Variants in TMEM201 observed in about 807,000 individuals in gnomAD.
TMEM201 encodes the protein RP13-15M17.2.
In TMEM201, 26 loss-of-function variants were observed where a neutral mutation model predicts 63.4. The ratio of observed to expected loss-of-function variants is 0.41; its 90% CI spans 0.30 to 0.57. The LOEUF (loss-of-function observed/expected upper bound fraction) is 0.57. Ranked by LOEUF, TMEM201 falls within the 20% of genes least tolerant of loss-of-function variation. TMEM201 has a pLI of 0.29. For missense variants in TMEM201, 794 were observed against 917.7 expected (o/e 0.87, Z 1.74); for synonymous variants, 417 against 421.6 (o/e 0.99, Z 0.14).
In TMEM201 at chr1:9,603,247, C is replaced by T. The variant is rs1295094581; in HGVS notation, c.1160+975C>T. 1.1e-5 allele frequency: 11 copies of T among 985,156 alleles called. No individual in the cohort carries two copies. Among genetic ancestry groups the T allele is most frequent in the African/African-American group, 1.7e-5 (1 of 57,216 alleles). The allele number at this position is 985,156 out of a possible 1,614,324, so 61.0% of individuals were successfully genotyped here. A position where few individuals can be genotyped will look rare whatever the true frequency, so the allele number is the denominator to read the frequency against. On this transcript the variant is annotated intron_variant, in intron 6 of 10. Transcript: ENST00000340381. This position sits in a 1 kb window ranked among gnomAD's most constrained non-coding sequence, Gnocchi z 4.5. Reference sequence around the variant, plus strand: ...CTCAGTAGCAGGGCCTGGCCAGGCCCCTGCTGTTCTCAGCCTCAGTTTGCC... The same window carrying T: ...CTCAGTAGCAGGGCCTGGCCAGGCCTCTGCTGTTCTCAGCCTCAGTTTGCC...
intron 1 of TMEM201, among the ~76,000 whole-genome samples, chr1:9,591,821 C>T (rs1380070026): frequency 6.6e-6 from 1 of 152,244 alleles, no homozygotes; most frequent in Non-Finnish European, 1.5e-5. Context: ...GAGCAACCGC[C>T]GCACCCCGGG....
chr1:9,589,076 T>TGCGCCGCCCGCCAGGCCCGCCCCC, intron 1 of TMEM201, 33 bp downstream of exon 1: 1 of 930,812 alleles, frequency 1.1e-6, no homozygotes, highest in Non-Finnish European at 1.3e-6. Flanking sequence ...CGCGGCCCTC[T>TGCGCCGCCCGCCAGGCCCGCCCCC]GCGCCGCCCG....
At position 9,614,660 on chromosome 1, in the gene TMEM201, C is replaced by G. The variant is rs1644366691; in HGVS notation, c.*1577C>G. The G allele has an allele frequency of 6.6e-6, 1 of 152,080 alleles. No homozygotes were observed. The highest frequency in any genetic ancestry group is 1.9e-4 in the East Asian group (1 of 5,176). The allele number at this position is 152,080 out of a possible 1,614,324, so 9.4% of individuals were successfully genotyped here. ...TTTTTTGCTTAATCAAACTCCATTC[C>G]CAAATGCACTCCATCTCTGGCTCTG... On this transcript the variant is annotated 3_prime_UTR_variant, in exon 11 of 11. Coordinates refer to ENST00000340381, the MANE Select transcript of TMEM201 (RefSeq NM_001130924.3).
rs1277801918 is a variant in TMEM201, at chr1:9,607,837, G to A, written c.1393+48G>A. On this transcript the variant is annotated intron_variant, in intron 7 of 10. Transcript: ENST00000340381. This position sits in a 1 kb window ranked among gnomAD's most constrained non-coding sequence, Gnocchi z 5.4. Reference sequence around the variant, plus strand: ...CAGACAGTCAGGGCTAGGGGCAGCTGGGACAGAACTGTGGATGGGTACATA... The same window carrying A: ...CAGACAGTCAGGGCTAGGGGCAGCTAGGACAGAACTGTGGATGGGTACATA... 1 of 1,518,036 alleles carries A rather than the reference G, an allele frequency of 6.6e-7. No individual in the cohort carries two copies. The highest frequency in any genetic ancestry group is 8.9e-7 in the Non-Finnish European group (1 of 1,121,556). 94.0% of individuals were successfully genotyped at this position (1,518,036 alleles called of 1,614,324 possible).
In TMEM201 at chr1:9,589,023, G is replaced by A. The variant is rs1357448414; in HGVS notation, c.93G>A (p.Leu31=). The part of the protein sequence containing the change: ...GVTACAAAGV[L]LYRIARRMKP... ...CGGCGTGCGCCGCGGCCGGCGTGTT[G>A]CTCTACCGGATCGCGCGGAGGTGAG... Residue 31 remains leucine, a synonymous_variant, in exon 1 of 11, where the codon TTG becomes TTA. Transcript: ENST00000340381. The A allele has an allele frequency of 8.6e-7, 1 of 1,158,618 alleles. No individual in the cohort carries two copies. Among genetic ancestry groups the A allele is most frequent in the Non-Finnish European group, 1.1e-6 (1 of 936,838 alleles). 71.8% of individuals were successfully genotyped at this position (1,158,618 alleles called of 1,614,324 possible). A position where few individuals can be genotyped will look rare whatever the true frequency, so the allele number is the denominator to read the frequency against.
chr1:9,602,573 C>T (rs1644166781), intron 6 of TMEM201: 9 of 1,309,180 alleles, frequency 6.9e-6, no homozygotes, highest in East Asian at 3.3e-5. Context: ...ATGTGGGCAG[C>T]GCCCACACAG....
At chr1:9,591,767 G>A (rs1194269083) in intron 1 of TMEM201, among the ~76,000 whole-genome samples, 1 of 152,162 alleles carries the variant, frequency 6.6e-6, no homozygotes. Flanking sequence ...CCGTTTCCAG[G>A]CTCCCCCCTC....
chr1:9,612,660 C>T (rs766841677), intron 10 of TMEM201, among the ~76,000 whole-genome samples: 1 of 152,178 alleles, frequency 6.6e-6, no homozygotes, highest in Non-Finnish European at 1.5e-5. Context: ...GCTCCTGTTC[C>T]CAGCCCCCAT....
At position 9,608,908 on chromosome 1, in the gene TMEM201, T is replaced by G. The variant is rs185395480; in HGVS notation, c.1394-932T>G. ...CCCCAGTCTCCATTACCAGAGTGGG[T>G]CGGGGGGAGGAGCCCGGTCTCCATC... On this transcript the variant is annotated intron_variant, in intron 7 of 10. Transcript: ENST00000340381. The surrounding 1 kb of genome is among the most constrained non-coding windows in gnomAD (Gnocchi z 4.3). Among the ~76,000 whole-genome samples, 229 of 152,140 alleles carry G rather than the reference T, an allele frequency of 1.5e-3. No homozygotes were observed. Among genetic ancestry groups the G allele is most frequent in the Non-Finnish European group, 9.7e-4 (66 of 67,954 alleles).
At chr1:9,589,260 G>A (rs1396942606) in intron 1 of TMEM201, among the ~76,000 whole-genome samples, 4 of 151,356 alleles carry the variant, frequency 2.6e-5, no homozygotes, top group Non-Finnish European at 4.4e-5. Flanking sequence ...CGGGAACGTG[G>A]GGCGCGGGCG....
intron 3 of TMEM201, among the ~76,000 whole-genome samples, chr1:9,598,227 C>A (rs1644062729): frequency 6.6e-6 from 1 of 152,210 alleles, no homozygotes; most frequent in Non-Finnish European, 1.5e-5. Context: ...CACTTGTGGG[C>A]CCTGCCCTGG....
chr1:9,604,270 C>A lies in TMEM201; in HGVS notation c.1160+1998C>A. On this transcript the variant is annotated intron_variant, in intron 6 of 10. Coordinates refer to ENST00000340381, the MANE Select transcript of TMEM201 (RefSeq NM_001130924.3). This position sits in a 1 kb window ranked among gnomAD's most constrained non-coding sequence, Gnocchi z 4.1. ...GATTATTTATAATAACCAGAGCCAG[C>A]CCTCGCGCTGGCCAGGATCCTCCTG... The A allele has an allele frequency of 1.0e-6, 1 of 985,434 alleles. No homozygotes were observed. The highest frequency in any genetic ancestry group is 1.2e-6 in the Non-Finnish European group (1 of 829,936). 61.0% of individuals were successfully genotyped at this position (985,434 alleles called of 1,614,324 possible).
Position 9,598,311 on chromosome 1 carries a change from G to C in TMEM201, c.430-138G>C, listed in dbSNP as rs898886096. 1.6e-5 allele frequency: 16 copies of C among 973,076 alleles called. No homozygotes were observed. In the African/African-American group the frequency reaches 2.6e-4, roughly 16 times the overall value. 60.3% of individuals were successfully genotyped at this position (973,076 alleles called of 1,614,324 possible). On this transcript the variant is annotated intron_variant, in intron 3 of 10. Coordinates refer to ENST00000340381, the MANE Select transcript of TMEM201 (RefSeq NM_001130924.3). ...TGTCCTGTTGGGCAGAGGGGAAGCAGGTTCAAAGTGGGGTTGACTTGCCCC... is the reference window on the plus strand; with the variant it reads ...TGTCCTGTTGGGCAGAGGGGAAGCACGTTCAAAGTGGGGTTGACTTGCCCC...
chr1:9,610,437 T>G lies in TMEM201; in HGVS notation c.1466-69T>G. On this transcript the variant is annotated intron_variant, in intron 8 of 10. Transcript: ENST00000340381. The surrounding 1 kb of genome is among the most constrained non-coding windows in gnomAD (Gnocchi z 4.9). ...GTTAATAGAAGAATGCCCCCAGAAA[T>G]GAAATAGCGCATTGTAGCGTTGCAG... 18 of 1,372,090 alleles carry G rather than the reference T, an allele frequency of 1.3e-5. No individual in the cohort carries two copies. The highest frequency in any genetic ancestry group is 1.5e-5 in the Non-Finnish European group (16 of 1,034,636). The allele number at this position is 1,372,090 out of a possible 1,614,324, so 85.0% of individuals were successfully genotyped here. A position where few individuals can be genotyped will look rare whatever the true frequency, so the allele number is the denominator to read the frequency against.
intron 6 of TMEM201, 69 bp downstream of exon 6, chr1:9,602,341 G>A (rs771526564): frequency 7.1e-5 from 112 of 1,570,326 alleles, no homozygotes; most frequent in South Asian, 5.7e-5. Flanking sequence ...TGCCAGGTCC[G>A]AAGCGGGCCC....
In TMEM201 at chr1:9,610,860, G is replaced by T; in HGVS notation, c.1765+55G>T. 1 of 1,498,756 alleles carries T rather than the reference G, an allele frequency of 6.7e-7. No individual in the cohort carries two copies. The highest frequency in any genetic ancestry group is 1.4e-5 in the African/African-American group (1 of 72,212). The allele number at this position is 1,498,756 out of a possible 1,614,324, so 92.8% of individuals were successfully genotyped here. The stretch of plus-strand genomic sequence containing the variant: ...GTGGGAGGGCCTCTGCTGCCAAGAG[G>T]CCTGGCTGTGCGGCGGTGGGGGGGC... On this transcript the variant is annotated intron_variant, in intron 9 of 10. Coordinates refer to ENST00000340381, the MANE Select transcript of TMEM201 (RefSeq NM_001130924.3). The surrounding 1 kb of genome is among the most constrained non-coding windows in gnomAD (Gnocchi z 4.9).
At position 9,604,961 on chromosome 1, in the gene TMEM201, C is replaced by T. The variant is rs1271376335; in HGVS notation, c.1161-2596C>T. The T allele has an allele frequency of 2.0e-6, 2 of 985,800 alleles. No homozygotes were observed. The highest frequency in any genetic ancestry group is 3.5e-5 in the African/African-American group (2 of 57,250). The allele number at this position is 985,800 out of a possible 1,614,324, so 61.1% of individuals were successfully genotyped here. A position where few individuals can be genotyped will look rare whatever the true frequency, so the allele number is the denominator to read the frequency against. On this transcript the variant is annotated intron_variant, in intron 6 of 10. Coordinates refer to ENST00000340381, the MANE Select transcript of TMEM201 (RefSeq NM_001130924.3). This position sits in a 1 kb window ranked among gnomAD's most constrained non-coding sequence, Gnocchi z 4.1. ...GGGCCCTGCTTTTACCCGCTGGCGT[C>T]AGGTGCCGCGTCTTTCTTCTTTTTT...
chr1:9,598,963 A>G (rs1249574515), intron 4 of TMEM201, among the ~76,000 whole-genome samples: 1 of 150,578 alleles, frequency 6.6e-6, no homozygotes, highest in East Asian at 2.0e-4. Flanking sequence ...TTTTTTTTAA[A>G]CAGAGTCTTG....
intron 1 of TMEM201, among the ~76,000 whole-genome samples, chr1:9,594,624 G>A (rs1643981698): frequency 6.6e-6 from 1 of 152,310 alleles, no homozygotes; most frequent in South Asian, 2.1e-4. Flanking sequence ...TGGAGGGGAG[G>A]GCCGGGCAGC....
Sources: allele counts gnomAD v4.1 joint callset (sites outside exome capture counted in the v4.1 genomes callset), GRCh38; gene constraint gnomAD v4.1.1; non-coding constraint Gnocchi (gnomAD v3.1); transcripts MANE v1.5; gene names NCBI Gene and HGNC (gene_info 2026-07-23, HGNC 2026-07-21).